ALK: variants seen among roughly 807,000 people sequenced by gnomAD.
ALK encodes the protein ALK tyrosine kinase receptor.
Under a neutral mutation model 163.1 loss-of-function variants are expected in ALK, and 74 were observed. That is an observed-to-expected ratio of 0.45 (90% CI 0.38 to 0.55). The LOEUF is 0.55. ALK is among the 20% of genes least tolerant of loss of function. ALK has a pLI of 0.00. For synonymous variants in ALK, 960 were observed against 843.2 expected, an observed-to-expected ratio of 1.14 and a Z score of -2.40; for missense variants, 2,063 against 2,105.3, an observed-to-expected ratio of 0.98 and a Z score of 0.39.
intron 4 of ALK, among the ~76,000 whole-genome samples, chr2:29,471,167 A>T (rs750599921): frequency 6.6e-6 from 1 of 152,210 alleles, no homozygotes; most frequent in African/African-American, 2.4e-5. Context: ...TTCTACAGAG[A>T]ATATTCCAGG....
intron 2 of ALK, among the ~76,000 whole-genome samples, chr2:29,710,538 T>C (rs1383890476): frequency 8.7e-6 from 1 of 114,876 alleles, no homozygotes; most frequent in African/African-American, 3.0e-5. Context: ...GTGTGTATGA[T>C]GGAGTCTCGT....
At chr2:29,779,165 C>G (rs991828491) in intron 1 of ALK, among the ~76,000 whole-genome samples, 2 of 150,886 alleles carry the variant, frequency 1.3e-5, no homozygotes, top group Non-Finnish European at 3.0e-5. Flanking sequence ...AAAAAAAAAA[C>G]AAAAAAACAA....
intron 3 of ALK, among the ~76,000 whole-genome samples, chr2:29,561,700 C>T (rs1674026852): frequency 6.6e-6 from 1 of 152,158 alleles, no homozygotes; most frequent in African/African-American, 2.4e-5. Context: ...TAATTTGAGA[C>T]AAAACTGTTT....
At chr2:29,377,552 T>C (rs1310759868) in intron 5 of ALK, among the ~76,000 whole-genome samples, 1 of 151,694 alleles carries the variant, frequency 6.6e-6, no homozygotes, top group Non-Finnish European at 1.5e-5. Flanking sequence ...GAAGCCCCAT[T>C]GAGGGGGAAT....
chr2:29,731,550 T>C (rs2631955), intron 1 of ALK, among the ~76,000 whole-genome samples: 132,518 of 152,210 alleles, frequency 0.87, 57,899 homozygotes, highest in African/African-American at 0.93. Context: ...CGGGACAGGA[T>C]GAGCTGCTGG....
chr2:29,594,631 G>A (rs1334818611), intron 3 of ALK, among the ~76,000 whole-genome samples: 2 of 151,850 alleles, frequency 1.3e-5, no homozygotes, highest in East Asian at 3.9e-4. Context: ...GTTTCACCAT[G>A]TTGGTCAGGC....
At chr2:29,278,325 C>T (rs75249313) in intron 9 of ALK, among the ~76,000 whole-genome samples, 1,752 of 152,224 alleles carry the variant, frequency 0.012, 31 homozygotes, top group African/African-American at 0.04. Flanking sequence ...GCCATTATTT[C>T]AGGGAAAATG....
chr2:29,221,316 C>T (rs367560574), intron 22 of ALK: 11 of 478,384 alleles, frequency 2.3e-5, no homozygotes, highest in Middle Eastern at 6.2e-4. Flanking sequence ...ATCAGTTTCC[C>T]GTGGATTCCT....
chr2:29,803,235 T>C (rs1664530100), intron 1 of ALK, among the ~76,000 whole-genome samples: 1 of 152,154 alleles, frequency 6.6e-6, no homozygotes, highest in Admixed American at 6.5e-5. Context: ...TTGCTGCAAC[T>C]CCATCAACAT....
intron 3 of ALK, among the ~76,000 whole-genome samples, chr2:29,690,301 CA>C (rs1678357335): frequency 6.6e-6 from 1 of 152,134 alleles, no homozygotes; most frequent in South Asian, 2.1e-4. Flanking sequence ...CACAACAAAA[CA>C]AAGCAAAAAC....
chr2:29,635,492 C>T (rs1676494405), intron 3 of ALK, among the ~76,000 whole-genome samples: 1 of 152,150 alleles, frequency 6.6e-6, no homozygotes, highest in African/African-American at 2.4e-5. Flanking sequence ...TCAGCAGCTA[C>T]CAGAAGCTGG....
intron 3 of ALK, among the ~76,000 whole-genome samples, chr2:29,649,114 A>G (rs1424690345): frequency 4.6e-5 from 7 of 151,918 alleles, no homozygotes; most frequent in Non-Finnish European, 1.0e-4. Flanking sequence ...CTGAAGTTTT[A>G]TAATTATATG....
At chr2:29,700,072 T>C (rs1452347286) in intron 2 of ALK, among the ~76,000 whole-genome samples, 2 of 152,334 alleles carry the variant, frequency 1.3e-5, no homozygotes, top group East Asian at 1.9e-4. Flanking sequence ...TCAGTGATTC[T>C]ATAGGCTTAC....
At chr2:29,700,091 G>T (rs373597048) in intron 2 of ALK, among the ~76,000 whole-genome samples, 1 of 152,184 alleles carries the variant, frequency 6.6e-6, no homozygotes, top group Non-Finnish European at 1.5e-5. Flanking sequence ...ACCCTGGGCC[G>T]ACACAATCAA....
chr2:29,239,789 T>C lies in ALK; in HGVS notation c.2246A>G (p.Asn749Ser). The C allele has an allele frequency of 1.2e-6, 2 of 1,613,958 alleles. No individual in the cohort carries two copies. The highest frequency in any genetic ancestry group is 1.7e-6 in the Non-Finnish European group (2 of 1,179,996). Residue 749 changes from asparagine (N) to serine (S), a missense_variant, in exon 13 of 29, where the codon AAC becomes AGC. Asn to Ser is a conservative substitution (Grantham distance 46). Transcript: ENST00000389048. ...YGAAGGKGGK[N>S]TMMRSHGVSV... ...CACGCCGTGGGACCGCATCATGGTGTTCTTCCCGCCTTTCCCGCCAGCAGC... is the reference window on the plus strand; with the variant it reads ...CACGCCGTGGGACCGCATCATGGTGCTCTTCCCGCCTTTCCCGCCAGCAGC...
At chr2:29,877,406 C>A (rs1468678635) in intron 1 of ALK, among the ~76,000 whole-genome samples, 2 of 152,150 alleles carry the variant, frequency 1.3e-5, no homozygotes, top group African/African-American at 4.8e-5. Context: ...TGTCCCTTCC[C>A]AGGCTTCATT....
intron 3 of ALK, among the ~76,000 whole-genome samples, chr2:29,634,959 A>G (rs1676479540): frequency 6.6e-6 from 1 of 152,214 alleles, no homozygotes; most frequent in Non-Finnish European, 1.5e-5. Flanking sequence ...CAAGGTCAAT[A>G]TACAAAAATC....
intron 14 of ALK, among the ~76,000 whole-genome samples, chr2:29,232,937 G>T (rs1023060020): frequency 5.3e-5 from 8 of 152,142 alleles, no homozygotes; most frequent in African/African-American, 1.9e-4. Context: ...TCAGTTTCTG[G>T]CCTGGCTGTG....
At chr2:29,670,671 T>A (rs1011380427) in intron 3 of ALK, among the ~76,000 whole-genome samples, 1 of 152,048 alleles carries the variant, frequency 6.6e-6, no homozygotes, top group Non-Finnish European at 1.5e-5. Context: ...ATTTTCTATA[T>A]CTTACAGGCA....
Sources: gnomAD v4.1 joint callset for allele counts (sites outside exome capture counted in the v4.1 genomes callset) on GRCh38, gnomAD v4.1.1 for gene constraint, MANE v1.5 for transcripts, NCBI Gene and HGNC (gene_info 2026-07-23, HGNC 2026-07-21) for gene names.